SDHAF4: variants seen among roughly 807,000 people sequenced by gnomAD.
The protein encoded by SDHAF4 is succinate dehydrogenase complex assembly factor 4, also known as succinate dehydrogenase assembly factor 4, mitochondrial.
In SDHAF4, 14 loss-of-function variants were observed where a neutral mutation model predicts 14.3. The ratio of observed to expected loss-of-function variants is 0.98; its 90% CI spans 0.65 to 1.53. The LOEUF (loss-of-function observed/expected upper bound fraction) is 1.53. Ranked by LOEUF, SDHAF4 falls within the 40% of genes most tolerant of loss-of-function variation. SDHAF4 has a pLI of 0.00. For synonymous variants in SDHAF4, 63 were observed against 47.3 expected (o/e 1.33, Z -1.36); for missense variants, 141 against 129.3 (o/e 1.09, Z -0.44).
chr6:70,588,353 C>G (rs148574622), intron 2 of SDHAF4, among the ~76,000 whole-genome samples: 192 of 152,216 alleles, frequency 1.3e-3, no homozygotes, highest in African/African-American at 4.3e-3. Flanking sequence ...AACCCCTTCT[C>G]TACTAAAAAT....
chr6:70,592,134 C>A (rs768613526), downstream of SDHAF4, among the ~76,000 whole-genome samples: 1 of 152,330 alleles, frequency 6.6e-6, no homozygotes, highest in African/African-American at 2.4e-5. Context: ...GCCTCCAAAA[C>A]CATAAGAAAT....
At chr6:70,574,243 C>G (rs1365612592) in intron 1 of SDHAF4, among the ~76,000 whole-genome samples, 1 of 151,808 alleles carries the variant, frequency 6.6e-6, no homozygotes, top group African/African-American at 2.4e-5. Flanking sequence ...TCGCTTGATC[C>G]CGGGAGGTGG....
intron 1 of SDHAF4, among the ~76,000 whole-genome samples, chr6:70,572,086 T>G (rs1471620240): frequency 1.0e-5 from 1 of 100,304 alleles, no homozygotes; most frequent in Non-Finnish European, 1.9e-5. Flanking sequence ...TTTTTTTTTT[T>G]GAGACAAAGT....
At chr6:70,596,034 A>T in the SDHAF4 span, among the ~76,000 whole-genome samples, 1 of 152,236 alleles carries the variant, frequency 6.6e-6, no homozygotes, top group African/African-American at 2.4e-5. Flanking sequence ...TAGTAGTAAC[A>T]TGTTTCATTA....
chr6:70,567,077 C>A, intron 1 of SDHAF4, 73 bp downstream of exon 1: 3 of 1,419,430 alleles, frequency 2.1e-6, no homozygotes, highest in Non-Finnish European at 2.9e-6. Flanking sequence ...AAGCGCCTCC[C>A]GCGGAGGAAG....
chr6:70,580,178 G>C (rs906780305), intron 2 of SDHAF4, among the ~76,000 whole-genome samples: 14 of 152,096 alleles, frequency 9.2e-5, no homozygotes, highest in African/African-American at 3.4e-4. Flanking sequence ...CATTTCTCCA[G>C]AGAAGGTATA....
At chr6:70,575,939 C>T (rs1482570653) in intron 1 of SDHAF4, among the ~76,000 whole-genome samples, 5 of 140,804 alleles carry the variant, frequency 3.6e-5, no homozygotes, top group Non-Finnish European at 7.9e-5. Context: ...CCCGTGTAGT[C>T]GAGGTAGTCA....
intron 2 of SDHAF4, among the ~76,000 whole-genome samples, chr6:70,583,061 T>C (rs1765153655): frequency 6.6e-6 from 1 of 152,150 alleles, no homozygotes. Flanking sequence ...CACAAAAAGA[T>C]CAGAGGAAAG....
At chr6:70,577,252 C>T (rs1056517070) in intron 1 of SDHAF4, among the ~76,000 whole-genome samples, 1 of 152,136 alleles carries the variant, frequency 6.6e-6, no homozygotes, top group Admixed American at 6.5e-5. Flanking sequence ...AATTCTTCAC[C>T]GTGTAACCAA....
chr6:70,567,833 C>G (rs1248655802), intron 1 of SDHAF4, among the ~76,000 whole-genome samples: 1 of 152,150 alleles, frequency 6.6e-6, no homozygotes, highest in East Asian at 1.9e-4. Flanking sequence ...CTACAGGCGC[C>G]CGCCACCGTG....
chr6:70,582,093 G>A (rs1030504663), intron 2 of SDHAF4, among the ~76,000 whole-genome samples: 2 of 151,536 alleles, frequency 1.3e-5, no homozygotes, highest in African/African-American at 4.9e-5. Flanking sequence ...ATTGATTGAG[G>A]CAGAGTCTCA....
chr6:70,582,429 C>T lies in SDHAF4; in HGVS notation c.217+2863C>T, dbSNP rs182509406. The stretch of plus-strand genomic sequence containing the variant: ...TACATTTATACCTCTAATCAGACCT[C>T]GTTCCTGAGCATCACTCTCCTGTCT... On this transcript the variant is annotated intron_variant, in intron 2 of 2. Transcript: ENST00000370474. Among the ~76,000 whole-genome samples the T allele has an allele frequency of 3.3e-4, 51 of 152,278 alleles. 1 individual carries two copies. The highest frequency in any genetic ancestry group is 2.1e-4 in the South Asian group (1 of 4,826).
chr6:70,597,242 C>T, the SDHAF4 span, among the ~76,000 whole-genome samples: 3 of 151,828 alleles, frequency 2.0e-5, no homozygotes, highest in East Asian at 1.9e-4. Context: ...AAAAGATTCT[C>T]CTGCCTCAGC....
At chr6:70,583,675 T>TAAACAA (rs926047331) in intron 2 of SDHAF4, among the ~76,000 whole-genome samples, 2 of 152,162 alleles carry the variant, frequency 1.3e-5, no homozygotes, top group African/African-American at 4.8e-5. Context: ...GCTGATGAGC[T>TAAACAA]AAACAAAAAC....
intron 1 of SDHAF4, among the ~76,000 whole-genome samples, chr6:70,571,673 A>C (rs1802180177): frequency 2.6e-5 from 4 of 151,168 alleles, no homozygotes. Context: ...GATTCTACTC[A>C]CTCTTTTCCC....
At chr6:70,597,956 A>T in the SDHAF4 span, among the ~76,000 whole-genome samples, 857 of 152,342 alleles carry the variant, frequency 5.6e-3, 3 homozygotes, top group Non-Finnish European at 8.2e-3. Context: ...CTATAAATGA[A>T]TTACAAAAGA....
chr6:70,582,032 A>G (rs1055438409), intron 2 of SDHAF4, among the ~76,000 whole-genome samples: 1 of 151,984 alleles, frequency 6.6e-6, no homozygotes, highest in African/African-American at 2.4e-5. Context: ...TTAGCCCCCT[A>G]AGTATTCCAA....
intron 2 of SDHAF4, among the ~76,000 whole-genome samples, chr6:70,583,805 T>C (rs145407002): frequency 6.6e-6 from 1 of 152,194 alleles, no homozygotes; most frequent in African/African-American, 2.4e-5. Flanking sequence ...GACTGTGGGT[T>C]AGACAGGCTT....
chr6:70,569,733 GT>G (rs1346894996), intron 1 of SDHAF4, among the ~76,000 whole-genome samples: 1 of 152,084 alleles, frequency 6.6e-6, no homozygotes, highest in Non-Finnish European at 1.5e-5. Context: ...ATAAACAGAT[GT>G]TTATAATTTT....
Sources: gnomAD v4.1 joint callset for allele counts (sites outside exome capture counted in the v4.1 genomes callset) on GRCh38, gnomAD v4.1.1 for gene constraint, MANE v1.5 for transcripts, NCBI Gene and HGNC (gene_info 2026-07-23, HGNC 2026-07-21) for gene names.